Variants in NDUFAF6 observed in about 807,000 individuals in gnomAD.
The protein encoded by NDUFAF6 is NADH:ubiquinone oxidoreductase complex assembly factor 6.
In NDUFAF6, 45 loss-of-function variants were observed where a neutral mutation model predicts 40.8. The ratio of observed to expected loss-of-function variants is 1.10; its 90% CI spans 0.87 to 1.42. NDUFAF6 has a LOEUF of 1.42. Among genes scored for constraint, NDUFAF6 ranks in the 40% most tolerant of loss-of-function variants. NDUFAF6 has a pLI of 0.00. For missense variants in NDUFAF6, 435 were observed against 418.5 expected, an observed-to-expected ratio of 1.04 and a Z score of -0.34; for synonymous variants, 185 against 155.9, an observed-to-expected ratio of 1.19 and a Z score of -1.39.
intron 2 of NDUFAF6, among the ~76,000 whole-genome samples, chr8:95,088,314 C>T (rs1424708767): frequency 6.6e-6 from 1 of 152,220 alleles, no homozygotes; most frequent in Non-Finnish European, 1.5e-5. Flanking sequence ...TAATGTGAGG[C>T]TGCCCTTGTC....
intron 1 of NDUFAF6, among the ~76,000 whole-genome samples, chr8:94,969,803 CAATGGA>C (rs899988989): frequency 1.3e-5 from 2 of 151,924 alleles, no homozygotes; most frequent in Admixed American, 6.6e-5. Context: ...AGGATCTTTA[CAATGGA>C]AAAAAACTCA....
chr8:95,097,744 C>T (rs1249798525), upstream of NDUFAF6, among the ~76,000 whole-genome samples: 1 of 152,162 alleles, frequency 6.6e-6, no homozygotes, highest in East Asian at 1.9e-4. Context: ...AATCCATCTT[C>T]TGCCTGTATT....
intron 2 of NDUFAF6, among the ~76,000 whole-genome samples, chr8:95,017,267 G>T (rs1192349497): frequency 6.6e-6 from 1 of 152,012 alleles, no homozygotes; most frequent in African/African-American, 2.4e-5. Flanking sequence ...ATGAGCTGTA[G>T]GCACAAAGGG....
chr8:95,025,821 G>A (rs1478313423), intron 1 of NDUFAF6, among the ~76,000 whole-genome samples: 1 of 152,148 alleles, frequency 6.6e-6, no homozygotes, highest in Non-Finnish European at 1.5e-5. Context: ...TTTGTTTGTC[G>A]GGCGTAGTGC....
intron 2 of NDUFAF6, among the ~76,000 whole-genome samples, chr8:94,988,024 C>G (rs925723077): frequency 1.3e-5 from 2 of 152,156 alleles, no homozygotes; most frequent in Admixed American, 1.3e-4. Flanking sequence ...TTTCTTAAGG[C>G]CTGTGGGTTC....
intron 1 of NDUFAF6, among the ~76,000 whole-genome samples, chr8:95,030,572 G>A (rs1043799789): frequency 2.0e-5 from 3 of 152,036 alleles, no homozygotes; most frequent in Non-Finnish European, 4.4e-5. Context: ...CTGTGGACTT[G>A]GCCAGTGAGA....
intron 7 of NDUFAF6, among the ~76,000 whole-genome samples, chr8:95,051,063 TA>T (rs925325902): frequency 1.3e-4 from 20 of 152,146 alleles, no homozygotes; most frequent in African/African-American, 4.1e-4. Context: ...GATGGACTAT[TA>T]AAAAAATGCA....
chr8:95,017,617 A>G (rs1419194768), intron 2 of NDUFAF6, among the ~76,000 whole-genome samples: 1 of 152,202 alleles, frequency 6.6e-6, no homozygotes, highest in Non-Finnish European at 1.5e-5. Flanking sequence ...GTCTACTTCT[A>G]TCCAGTTTTT....
upstream of NDUFAF6, among the ~76,000 whole-genome samples, chr8:95,096,965 G>T (rs1040750274): frequency 1.3e-5 from 2 of 152,184 alleles, no homozygotes; most frequent in African/African-American, 2.4e-5. Context: ...GACCTCCAGG[G>T]GCTAGGCAGG....
intron 1 of NDUFAF6, chr8:94,930,184 C>T: frequency 3.4e-6 from 1 of 289,860 alleles, no homozygotes; most frequent in East Asian, 6.5e-5. Flanking sequence ...CTTTAAAATG[C>T]TGACTAATGT....
chr8:95,042,017 T>C (rs1830207408), intron 4 of NDUFAF6, among the ~76,000 whole-genome samples: 1 of 152,226 alleles, frequency 6.6e-6, no homozygotes, highest in Admixed American at 6.5e-5. Flanking sequence ...ACAAAAAACA[T>C]AGCCATGATA....
At chr8:94,985,467 T>TTTTA (rs1158887739) in intron 2 of NDUFAF6, among the ~76,000 whole-genome samples, 7 of 28,604 alleles carry the variant, frequency 2.4e-4, no homozygotes, top group Non-Finnish European at 4.1e-4. Flanking sequence ...AAAACAATAA[T>TTTTA]TATATATATA....
chr8:94,989,568 A>G lies in NDUFAF6; in HGVS notation c.-84+8595A>G, dbSNP rs191711590. Among the ~76,000 whole-genome samples the G allele has an allele frequency of 2.2e-4, 33 of 152,316 alleles. No homozygotes were observed. In the East Asian group the frequency reaches 6.2e-3, roughly 28 times the overall value. ...AATCAATGTGAATGAGTGAATAATG[A>G]ATCAATGGTCAAACTAATGAACTGG... On this transcript the variant is annotated intron_variant, in intron 2 of 9. Transcript: ENST00000396111.
At position 95,058,097 on chromosome 8, in the gene NDUFAF6, G is replaced by A; in HGVS notation, c.*160G>A. 1 of 1,453,590 alleles carries A rather than the reference G, an allele frequency of 6.9e-7. No individual in the cohort carries two copies. Among genetic ancestry groups the A allele is most frequent in the Middle Eastern group, 2.5e-4 (1 of 3,964 alleles). The allele number at this position is 1,453,590 out of a possible 1,614,324, so 90.0% of individuals were successfully genotyped here. A position where few individuals can be genotyped will look rare whatever the true frequency, so the allele number is the denominator to read the frequency against. The stretch of plus-strand genomic sequence containing the variant: ...ATTGAGAAGTTGCCGTGGGACTAGG[G>A]TGCCAAGACTGCTGAGATTCTGGCA... On this transcript the variant is annotated 3_prime_UTR_variant, in exon 9 of 9. Transcript: ENST00000396124.
chr8:95,033,631 C>T (rs1476677693), intron 2 of NDUFAF6, among the ~76,000 whole-genome samples: 2 of 152,102 alleles, frequency 1.3e-5, no homozygotes, highest in African/African-American at 4.8e-5. Context: ...AAGGAGGCTT[C>T]GAAGGCTGGG....
At chr8:95,010,181 C>T (rs984784448) in intron 2 of NDUFAF6, among the ~76,000 whole-genome samples, 23 of 152,286 alleles carry the variant, frequency 1.5e-4, no homozygotes, top group Admixed American at 1.4e-3. Flanking sequence ...CTCCACCTCC[C>T]GAGTTCAAGC....
intron 1 of NDUFAF6, among the ~76,000 whole-genome samples, chr8:95,100,935 C>T (rs542130922): frequency 6.6e-6 from 1 of 152,282 alleles, no homozygotes; most frequent in Non-Finnish European, 1.5e-5. Context: ...GGAATAGAAT[C>T]AGTGTTGGCT....
chr8:95,033,974 A>G (rs561813589), intron 2 of NDUFAF6: 5 of 457,756 alleles, frequency 1.1e-5, no homozygotes, highest in East Asian at 1.4e-4. Context: ...GGTTCTGAGC[A>G]GAGAGACATC....
At chr8:95,104,161 C>G (rs1809742947), downstream of NDUFAF6, among the ~76,000 whole-genome samples, 1 of 152,210 alleles carries the variant, frequency 6.6e-6, no homozygotes, top group African/African-American at 2.4e-5. Context: ...AAGCTGTGAG[C>G]CACTGCACCT....
Sources: gnomAD v4.1 joint callset for allele counts (sites outside exome capture counted in the v4.1 genomes callset) on GRCh38, gnomAD v4.1.1 for gene constraint, MANE v1.5 for transcripts, NCBI Gene and HGNC (gene_info 2026-07-23, HGNC 2026-07-21) for gene names.